The following RCAN2 variants were observed in gnomAD, a reference collection of about 807,000 sequenced individuals.
The protein encoded by RCAN2 is calcipressin-2.
A neutral mutation model predicts 23.6 loss-of-function variants in RCAN2; 9 were observed. The observed-to-expected ratio is 0.38, with a 90% CI of 0.23 to 0.67. RCAN2 has a LOEUF of 0.67. Among genes scored for constraint, RCAN2 ranks in the 30% least tolerant of loss-of-function variants. The pLI, the probability that RCAN2 is intolerant of heterozygous loss-of-function variation, is 0.51. For missense variants in RCAN2, 273 were observed against 302.3 expected (o/e 0.90, Z 0.72); for synonymous variants, 109 against 115.7 (o/e 0.94, Z 0.37).
intron 2 of RCAN2, among the ~76,000 whole-genome samples, chr6:46,319,055 T>G (rs1763530945): frequency 6.6e-6 from 1 of 152,230 alleles, no homozygotes; most frequent in South Asian, 2.1e-4. Flanking sequence ...TGGGAAAGGA[T>G]ACAGAACCTT....
intron 2 of RCAN2, among the ~76,000 whole-genome samples, chr6:46,291,922 C>T (rs953133064): frequency 3.9e-5 from 6 of 152,234 alleles, no homozygotes; most frequent in African/African-American, 1.2e-4. Context: ...ACAGCACTGG[C>T]GAAGATACAG....
chr6:46,335,531 G>A (rs987525308), intron 2 of RCAN2, among the ~76,000 whole-genome samples: 7 of 152,142 alleles, frequency 4.6e-5, no homozygotes, highest in Non-Finnish European at 1.0e-4. Context: ...AGATATTCAC[G>A]TTTTCAAATG....
chr6:46,398,512 C>T (rs909212847), intron 2 of RCAN2, among the ~76,000 whole-genome samples: 1 of 152,140 alleles, frequency 6.6e-6, no homozygotes, highest in Non-Finnish European at 1.5e-5. Context: ...TCTGGATCAT[C>T]TTCACGATCT....
chr6:46,387,548 A>G (rs1421430390), intron 2 of RCAN2, among the ~76,000 whole-genome samples: 1 of 152,238 alleles, frequency 6.6e-6, no homozygotes, highest in Non-Finnish European at 1.5e-5. Context: ...GAAAACCACA[A>G]TGAGATACCA....
chr6:46,367,044 T>C (rs1306083201), intron 2 of RCAN2, among the ~76,000 whole-genome samples: 2 of 125,672 alleles, frequency 1.6e-5, no homozygotes, highest in African/African-American at 2.8e-5. Flanking sequence ...TATATATATA[T>C]ATATATATAT....
intron 1 of RCAN2, among the ~76,000 whole-genome samples, chr6:46,474,477 C>T (rs1768656118): frequency 6.6e-6 from 1 of 152,042 alleles, no homozygotes. Flanking sequence ...TAAATATTAA[C>T]AAAATTCTCT....
intron 2 of RCAN2, chr6:46,325,800 T>C: frequency 9.3e-7 from 1 of 1,069,584 alleles, no homozygotes; most frequent in Non-Finnish European, 1.1e-6. Flanking sequence ...GATTATGTGC[T>C]AAATCTGAAC....
intron 2 of RCAN2, among the ~76,000 whole-genome samples, chr6:46,261,995 G>C (rs949236764): frequency 2.6e-5 from 4 of 152,264 alleles, no homozygotes; most frequent in African/African-American, 9.6e-5. Flanking sequence ...CTCACACACA[G>C]AGTAGGTAAG....
chr6:46,250,512 G>A (rs990891849), intron 2 of RCAN2, among the ~76,000 whole-genome samples: 9 of 152,120 alleles, frequency 5.9e-5, no homozygotes, highest in African/African-American at 2.2e-4. Context: ...AACTAGGAAT[G>A]GACTTAAGAG....
chr6:46,314,671 T>C (rs1763376770), intron 2 of RCAN2, among the ~76,000 whole-genome samples: 1 of 152,218 alleles, frequency 6.6e-6, no homozygotes, highest in South Asian at 2.1e-4. Context: ...CATAACTCCA[T>C]GTAAAATTCC....
chr6:46,434,648 G>A (rs1767317129), intron 2 of RCAN2, among the ~76,000 whole-genome samples: 1 of 152,164 alleles, frequency 6.6e-6, no homozygotes, highest in Non-Finnish European at 1.5e-5. Flanking sequence ...CACCCCAGGA[G>A]ATTCTTATCC....
At chr6:46,454,085 T>G (rs1767955660) in intron 2 of RCAN2, among the ~76,000 whole-genome samples, 1 of 152,192 alleles carries the variant, frequency 6.6e-6, no homozygotes. Context: ...GCTTTTTGCT[T>G]CTTTTCCCCC....
At chr6:46,441,972 A>C (rs777735620) in intron 2 of RCAN2, among the ~76,000 whole-genome samples, 4 of 152,196 alleles carry the variant, frequency 2.6e-5, no homozygotes, top group Non-Finnish European at 5.9e-5. Context: ...CATCCATTGA[A>C]CTAAATGTCA....
intron 2 of RCAN2, among the ~76,000 whole-genome samples, chr6:46,362,040 C>G (rs79422938): frequency 0.026 from 3,986 of 152,162 alleles, 162 homozygotes; most frequent in African/African-American, 0.087. Flanking sequence ...ATTTGAAATT[C>G]AAAGTTTCAT....
At chr6:46,463,158 T>A (rs766173650) in intron 1 of RCAN2, among the ~76,000 whole-genome samples, 9 of 152,180 alleles carry the variant, frequency 5.9e-5, no homozygotes, top group Non-Finnish European at 1.2e-4. Context: ...CTGGGTACTG[T>A]CCACTACAGA....
At chr6:46,320,756 C>T (rs977061694) in intron 2 of RCAN2, among the ~76,000 whole-genome samples, 1 of 152,118 alleles carries the variant, frequency 6.6e-6, no homozygotes, top group Non-Finnish European at 1.5e-5. Flanking sequence ...TGTAGCAATC[C>T]TAAGATTCCA....
At chr6:46,338,955 C>T (rs1400440980) in intron 2 of RCAN2, among the ~76,000 whole-genome samples, 2 of 135,284 alleles carry the variant, frequency 1.5e-5, no homozygotes, top group South Asian at 2.3e-4. Flanking sequence ...GTGGAGGTTG[C>T]AGTGAGCCAA....
intron 2 of RCAN2, among the ~76,000 whole-genome samples, chr6:46,301,432 C>T (rs993851751): frequency 2.0e-5 from 3 of 152,016 alleles, no homozygotes; most frequent in Non-Finnish European, 4.4e-5. Context: ...CATTCTACTC[C>T]CCAAGCTGGG....
intron 1 of RCAN2, among the ~76,000 whole-genome samples, chr6:46,480,321 A>AGTGGTTG (rs769098753): frequency 6.6e-6 from 1 of 152,254 alleles, no homozygotes; most frequent in Non-Finnish European, 1.5e-5. Flanking sequence ...GTCTTTAGCC[A>AGTGGTTG]GTGCTTGGTG....
Sources: allele counts gnomAD v4.1 joint callset (sites outside exome capture counted in the v4.1 genomes callset), GRCh38; gene constraint gnomAD v4.1.1; transcripts MANE v1.5; gene names NCBI Gene and HGNC (gene_info 2026-07-23, HGNC 2026-07-21).